Variants in TTC7B observed in about 807,000 individuals in gnomAD.
TTC7B encodes tetratricopeptide repeat protein 7B.
Under a neutral mutation model 106.8 loss-of-function variants are expected in TTC7B, and 28 were observed. The observed-to-expected ratio is 0.26, with a 90% confidence interval of 0.19 to 0.36. The LOEUF is 0.36. TTC7B is among the 10% of genes least tolerant of loss of function. TTC7B has a pLI of 1.00. For synonymous variants in TTC7B, 405 were observed against 430.6 expected, an observed-to-expected ratio of 0.94 and a Z score of 0.74; for missense variants, 862 against 1,076.4, an observed-to-expected ratio of 0.80 and a Z score of 2.79.
chr14:90,651,636 C>T (rs559452059), intron 13 of TTC7B, among the ~76,000 whole-genome samples: 3 of 152,350 alleles, frequency 2.0e-5, no homozygotes, highest in East Asian at 1.9e-4. Context: ...TTCCACACTC[C>T]GTGCTGAGGA....
intron 17 of TTC7B, among the ~76,000 whole-genome samples, chr14:90,599,475 C>A (rs144937748): frequency 6.6e-6 from 1 of 152,182 alleles, no homozygotes; most frequent in Non-Finnish European, 1.5e-5. Context: ...ACATCCTCTA[C>A]CAAAAGATGT....
At position 90,689,633 on chromosome 14, in the gene TTC7B, G is replaced by A. The variant is rs762188010; in HGVS notation, c.857C>T (p.Pro286Leu). The change falls in exon 7 of 20, where the codon CCG (proline) becomes CTG (leucine). Residue 286 changes from proline (P) to leucine (L), a missense_variant. Transcript: ENST00000328459. ...AGGATCGTCCAGAGGTGACTGGCAC[G>A]GTGGATCCTCCAGAGGGTTCCAGTA... ...QSYWNPLEDP[P>L]CQSPLDDPLR... 27 of 1,613,958 alleles carry A rather than the reference G, an allele frequency of 1.7e-5. No homozygotes were observed. Among genetic ancestry groups the A allele is most frequent in the South Asian group, 2.2e-5 (2 of 91,088 alleles).
chr14:90,789,394 G>A (rs61989883), intron 1 of TTC7B, among the ~76,000 whole-genome samples: 36,915 of 151,862 alleles, frequency 0.24, 5,334 homozygotes, highest in East Asian at 0.38. Flanking sequence ...CACTATACCC[G>A]GCCTTAATTT....
At chr14:90,772,526 C>T (rs1363692792) in intron 3 of TTC7B, 3 of 152,176 alleles carry the variant, frequency 2.0e-5, no homozygotes, top group Non-Finnish European at 4.4e-5. Context: ...AAAAAATTCA[C>T]ACATACAGGA....
intron 19 of TTC7B, among the ~76,000 whole-genome samples, chr14:90,552,171 C>A (rs973910486): frequency 1.3e-5 from 2 of 152,238 alleles, no homozygotes; most frequent in Non-Finnish European, 2.9e-5. Context: ...CAGCCCCACA[C>A]CTCCTGCACA....
chr14:90,813,065 G>A (rs1044016938), intron 1 of TTC7B, among the ~76,000 whole-genome samples: 4 of 152,008 alleles, frequency 2.6e-5, no homozygotes, highest in African/African-American at 7.2e-5. Flanking sequence ...CCTTACCCTC[G>A]GCCTATCAGG....
At chr14:90,550,785 G>A (rs2139771792) in intron 19 of TTC7B, among the ~76,000 whole-genome samples, 1 of 152,282 alleles carries the variant, frequency 6.6e-6, no homozygotes, top group Admixed American at 6.5e-5. Flanking sequence ...TGGTACAGAA[G>A]AGGCTCTTGG....
chr14:90,530,976 T>C lies in TTC7B; in HGVS notation c.*10392A>G, dbSNP rs1015632554. On this transcript the variant is annotated 3_prime_UTR_variant, in exon 20 of 20. Coordinates refer to ENST00000328459, the MANE Select transcript of TTC7B (RefSeq NM_001010854.2). ...ATGAAAATAAAAAATTAAAATTCTA[T>C]AGAATTTGAAGAACAAAATGTAAAT... 1.3e-5 allele frequency: 2 copies of C among 152,180 alleles called. No individual in the cohort carries two copies. The highest frequency in any genetic ancestry group is 1.3e-4 in the Admixed American group (2 of 15,280). The allele number at this position is 152,180 out of a possible 1,614,324, so 9.4% of individuals were successfully genotyped here. A position where few individuals can be genotyped will look rare whatever the true frequency, so the allele number is the denominator to read the frequency against.
At chr14:90,639,940 A>G (rs1346057464) in intron 15 of TTC7B, among the ~76,000 whole-genome samples, 8 of 152,186 alleles carry the variant, frequency 5.3e-5, no homozygotes, top group Non-Finnish European at 1.5e-5. Flanking sequence ...GTCTGATTCC[A>G]TTTTCTACCA....
At position 90,652,488 on chromosome 14, in the gene TTC7B, TA is replaced by T. The variant is rs11397777; in HGVS notation, c.1517+352del. Among the ~76,000 whole-genome samples, 105 of 143,458 alleles carry T rather than the reference TA, an allele frequency of 7.3e-4. 1 individual carries two copies. The highest frequency in any genetic ancestry group is 2.4e-3 in the East Asian group (12 of 4,916). The allele number at this position is 143,458 out of a possible 152,430, so 94.1% of individuals were successfully genotyped here. A position where few individuals can be genotyped will look rare whatever the true frequency, so the allele number is the denominator to read the frequency against. ...AACCTGCAGTTTGACATGTTTTTTT[TA>T]AAAAAAAAAAAAAGCTAGAAAAGAA... On this transcript the variant is annotated intron_variant, in intron 13 of 19. Transcript: ENST00000328459.
chr14:90,640,052 A>G (rs1338272141), intron 15 of TTC7B, among the ~76,000 whole-genome samples: 3 of 152,150 alleles, frequency 2.0e-5, no homozygotes, highest in African/African-American at 4.8e-5. Context: ...GCCGAGGCGC[A>G]TGGATCGCTT....
At chr14:90,700,569 C>T (rs1318280405) in intron 5 of TTC7B, among the ~76,000 whole-genome samples, 1 of 151,710 alleles carries the variant, frequency 6.6e-6, no homozygotes, top group East Asian at 2.0e-4. Context: ...ATTCCCAGAC[C>T]CCTTTCCCCA....
At position 90,575,428 on chromosome 14, in the gene TTC7B, C is replaced by T. The variant is rs1024944683; in HGVS notation, c.2310+2678G>A. Among the ~76,000 whole-genome samples the T allele has an allele frequency of 9.2e-5, 14 of 152,208 alleles. No individual in the cohort carries two copies. Among genetic ancestry groups the T allele is most frequent in the African/African-American group, 2.9e-4 (12 of 41,450 alleles). On this transcript the variant is annotated intron_variant, in intron 19 of 19. Coordinates refer to ENST00000328459, the MANE Select transcript of TTC7B (RefSeq NM_001010854.2). This position sits in a 1 kb window ranked among gnomAD's most constrained non-coding sequence, Gnocchi z 5.2. ...CCTCTAGGGTATACGTGAAGACCCC[C>T]TTCCTCCCTTCCTCCATCGAAGGGC...
At chr14:90,741,789 C>T (rs1286940177) in intron 4 of TTC7B, among the ~76,000 whole-genome samples, 2 of 152,220 alleles carry the variant, frequency 1.3e-5, no homozygotes, top group African/African-American at 4.8e-5. Flanking sequence ...ATTCTCCTCG[C>T]TAGCCTTCTG....
In TTC7B at chr14:90,596,116, G is replaced by GT. The variant is rs566496777; in HGVS notation, c.1967-2491dup. On this transcript the variant is annotated intron_variant, in intron 17 of 19. Coordinates refer to ENST00000328459, the MANE Select transcript of TTC7B (RefSeq NM_001010854.2). ...ATATTCACATTAGAAGTAAAAACATGTTTTTTTTAACATGTTTTAACAGAC... is the reference window on the plus strand; with the variant it reads ...ATATTCACATTAGAAGTAAAAACATGTTTTTTTTTAACATGTTTTAACAGAC... Among the ~76,000 whole-genome samples, 203 of 152,020 alleles carry GT rather than the reference G, an allele frequency of 1.3e-3. 1 individual carries two copies. Among genetic ancestry groups the GT allele is most frequent in the Middle Eastern group, 3.4e-3 (1 of 294 alleles).
rs986057074 is a variant in TTC7B, at chr14:90,624,619, G to A, written c.1752-6574C>T. Among the ~76,000 whole-genome samples the A allele has an allele frequency of 6.6e-6, 1 of 152,196 alleles. No individual in the cohort carries two copies. Among genetic ancestry groups the A allele is most frequent in the Non-Finnish European group, 1.5e-5 (1 of 68,030 alleles). ...GATATTTCTGAATTCTGAGCCGTCC[G>A]AAGAACTCTCGATGAAAATAAGTTA... is the stretch of plus-strand genomic sequence containing the variant. On this transcript the variant is annotated intron_variant, in intron 15 of 19. Coordinates refer to ENST00000328459, the MANE Select transcript of TTC7B (RefSeq NM_001010854.2). The surrounding 1 kb of genome is among the most constrained non-coding windows in gnomAD (Gnocchi z 4.0).
chr14:90,602,984 A>G (rs1277986717), intron 17 of TTC7B, among the ~76,000 whole-genome samples: 1 of 152,128 alleles, frequency 6.6e-6, no homozygotes, highest in African/African-American at 2.4e-5. Flanking sequence ...CTGCACACCC[A>G]GAGTTGGCCT....
At chr14:90,551,013 T>C (rs1442557581) in intron 19 of TTC7B, among the ~76,000 whole-genome samples, 1 of 152,160 alleles carries the variant, frequency 6.6e-6, no homozygotes, top group Non-Finnish European at 1.5e-5. Context: ...GATGCCCTGC[T>C]CCCAGCTGAG....
At chr14:90,718,914 A>G (rs1482344105) in intron 5 of TTC7B, among the ~76,000 whole-genome samples, 1 of 145,082 alleles carries the variant, frequency 6.9e-6, no homozygotes, top group East Asian at 2.0e-4. Context: ...TAAATAAGAC[A>G]AAATACAAAT....
Sources: gnomAD v4.1 joint callset for allele counts (sites outside exome capture counted in the v4.1 genomes callset) on GRCh38, gnomAD v4.1.1 for gene constraint, Gnocchi (gnomAD v3.1) non-coding constraint, MANE v1.5 for transcripts, NCBI Gene and HGNC (gene_info 2026-07-23, HGNC 2026-07-21) for gene names.